The following ALDH9A1 variants were observed in gnomAD, a reference collection of about 807,000 sequenced individuals.
ALDH9A1 encodes aldehyde dehydrogenase 9 family member A1.
In ALDH9A1, 42 loss-of-function variants were observed where a neutral mutation model predicts 56.6. That is an observed-to-expected ratio of 0.74 (90% CI 0.58 to 0.96). The LOEUF (loss-of-function observed/expected upper bound fraction) is 0.96. Ranked by LOEUF, ALDH9A1 falls within the 40% of genes least tolerant of loss-of-function variation. ALDH9A1 has a pLI of 0.00. For missense variants in ALDH9A1, 661 were observed against 651.5 expected (o/e 1.01, Z -0.16); for synonymous variants, 242 against 236.0 (o/e 1.03, Z -0.23).
intron 6 of ALDH9A1, among the ~76,000 whole-genome samples, chr1:165,673,658 C>A (rs1413358131): frequency 6.6e-6 from 1 of 152,188 alleles, no homozygotes; most frequent in Non-Finnish European, 1.5e-5. Context: ...CACCCTGACG[C>A]TTTCTGACTG....
intron 1 of ALDH9A1, among the ~76,000 whole-genome samples, chr1:165,696,176 G>A (rs780391298): frequency 6.6e-5 from 10 of 152,018 alleles, no homozygotes; most frequent in African/African-American, 9.6e-5. Context: ...TGTATTTTGC[G>A]GTCATTGACA....
At chr1:165,687,352 C>T (rs1649744215) in intron 2 of ALDH9A1, among the ~76,000 whole-genome samples, 1 of 149,810 alleles carries the variant, frequency 6.7e-6, no homozygotes. Context: ...AACAAATTTA[C>T]AGATCCAAGA....
chr1:165,666,413 C>T (rs1649008735), intron 9 of ALDH9A1, among the ~76,000 whole-genome samples: 1 of 152,104 alleles, frequency 6.6e-6, no homozygotes, highest in Admixed American at 6.6e-5. Flanking sequence ...TGTGCATTAT[C>T]CCAGTAAAGC....
Position 165,680,686 on chromosome 1 carries a change from GCATAAACC to G in ALDH9A1, c.593-11_593-4del, listed in dbSNP as rs746433891. On this transcript the variant is annotated splice_region_variant and splice_polypyrimidine_tract_variant and intron_variant, in intron 4 of 10. Coordinates refer to ENST00000354775, the MANE Select transcript of ALDH9A1 (RefSeq NM_000696.4). ...AGGTTTAAAGACCATGGCATTACCTGCATAAACCCAAGACACAAACATAAAAAGACTTT... is the reference window on the plus strand; with the variant it reads ...AGGTTTAAAGACCATGGCATTACCTGCAAGACACAAACATAAAAAGACTTT... The G allele has an allele frequency of 2.5e-6, 4 of 1,597,550 alleles. No individual in the cohort carries two copies. The Admixed American group carries it at 7.2e-5, about 29-fold the overall frequency.
chr1:165,691,308 G>A (rs1414110109), intron 2 of ALDH9A1, among the ~76,000 whole-genome samples: 1 of 152,202 alleles, frequency 6.6e-6, no homozygotes, highest in Non-Finnish European at 1.5e-5. Flanking sequence ...CTGACTATTA[G>A]AAGGAAAACT....
rs553184453 is a variant in ALDH9A1 at position 165,679,143 on chromosome 1, T to C, written c.930+299A>G. Among the ~76,000 whole-genome samples, 6 of 152,338 alleles carry C rather than the reference T, an allele frequency of 3.9e-5. No individual in the cohort carries two copies. The East Asian group carries it at 1.2e-3, about 29-fold the overall frequency. ...ACCGTGCTTATGTAAAAGAATGCACTTGTTTTTAGGAACTTTATATTTAGA... is the reference window on the plus strand; with the variant it reads ...ACCGTGCTTATGTAAAAGAATGCACCTGTTTTTAGGAACTTTATATTTAGA... On this transcript the variant is annotated intron_variant, in intron 6 of 10. Coordinates refer to ENST00000354775, the MANE Select transcript of ALDH9A1 (RefSeq NM_000696.4).
chr1:165,665,080 C>CA lies in ALDH9A1; in HGVS notation c.1399dup (p.Cys467LeufsTer4). The CA allele has an allele frequency of 1.2e-6, 2 of 1,613,904 alleles. No individual in the cohort carries two copies. The highest frequency in any genetic ancestry group is 1.7e-6 in the Non-Finnish European group (2 of 1,179,914). ...GCTGACGTTATAGTTGTTAATGAAG[C>CA]ACGTCCCAGCCTGAAGCTCAGCTAC... is the stretch of plus-strand genomic sequence containing the variant. On this transcript the variant is annotated frameshift_variant, in exon 10 of 11. Coordinates refer to ENST00000354775, the MANE Select transcript of ALDH9A1 (RefSeq NM_000696.4). LOFTEE classifies it high-confidence loss of function.
At chr1:165,664,442 C>A (rs370661412) in intron 10 of ALDH9A1, among the ~76,000 whole-genome samples, 1 of 152,176 alleles carries the variant, frequency 6.6e-6, no homozygotes, top group African/African-American at 2.4e-5. Flanking sequence ...GTTGTGGTAA[C>A]ATATGTCTGA....
intron 6 of ALDH9A1, among the ~76,000 whole-genome samples, chr1:165,669,805 A>C (rs889425325): frequency 1.3e-5 from 2 of 152,194 alleles, no homozygotes; most frequent in Admixed American, 6.6e-5. Context: ...AGGGAACTTA[A>C]CAGTAAACCT....
chr1:165,682,011 T>C (rs933562325), intron 4 of ALDH9A1, 96 bp downstream of exon 4: 1 of 1,489,776 alleles, frequency 6.7e-7, no homozygotes, highest in South Asian at 1.3e-5. Flanking sequence ...CGATTTAAAG[T>C]GTGTGTTTAT....
chr1:165,693,660 T>C (rs1649966118), intron 2 of ALDH9A1, among the ~76,000 whole-genome samples: 2 of 152,210 alleles, frequency 1.3e-5, no homozygotes, highest in Non-Finnish European at 2.9e-5. Flanking sequence ...AGTGTGGCGA[T>C]TCCTCAAATA....
chr1:165,697,881 T>C (rs1229759706), intron 1 of ALDH9A1, among the ~76,000 whole-genome samples: 1 of 151,770 alleles, frequency 6.6e-6, no homozygotes, highest in East Asian at 1.9e-4. Context: ...ATACAAAAAT[T>C]AGCCGGACAT....
rs534855644 is a variant in ALDH9A1 at position 165,688,304 on chromosome 1, G to A, written c.328-5194C>T. On this transcript the variant is annotated intron_variant, in intron 2 of 10. Transcript: ENST00000354775. ...TGTGCTTCAGCTGGGGAGACAGAGC[G>A]AGACCTTGTCTCAAAAAACAAAACA... Among the ~76,000 whole-genome samples the A allele has an allele frequency of 5.3e-5, 8 of 152,190 alleles. No individual in the cohort carries two copies. The South Asian group carries it at 1.2e-3, about 24-fold the overall frequency.
intron 9 of ALDH9A1, 174 bp from the exon 10 acceptor site, chr1:165,665,304 A>G: frequency 1.7e-6 from 1 of 588,240 alleles, no homozygotes; most frequent in Non-Finnish European, 3.0e-6. Context: ...TGGGTTTTAT[A>G]GTCCCATGCA....
intron 6 of ALDH9A1, among the ~76,000 whole-genome samples, chr1:165,673,866 G>A (rs1323792246): frequency 6.6e-6 from 1 of 152,080 alleles, no homozygotes; most frequent in Non-Finnish European, 1.5e-5. Context: ...AGTAGGGGCT[G>A]GGTAAAATAA....
At chr1:165,689,771 T>C (rs1649826695) in intron 2 of ALDH9A1, among the ~76,000 whole-genome samples, 1 of 151,792 alleles carries the variant, frequency 6.6e-6, no homozygotes, top group Non-Finnish European at 1.5e-5. Flanking sequence ...CTGTCTCTAC[T>C]AAAAATACAA....
chr1:165,688,019 AAATT>A (rs55770593), intron 2 of ALDH9A1, among the ~76,000 whole-genome samples: 104,116 of 150,644 alleles, frequency 0.69, 36,270 homozygotes, highest in East Asian at 0.98. Flanking sequence ...AAAAGAAAAG[AAATT>A]AATTAATTCT....
rs978643318 is a variant in ALDH9A1 at position 165,689,856 on chromosome 1, C to G, written c.327+5396G>C. 7.3e-5 allele frequency among the ~76,000 whole-genome samples: 11 copies of G among 151,670 alleles called. No homozygotes were observed. In the East Asian group the frequency reaches 1.8e-3, roughly 24 times the overall value. The stretch of plus-strand genomic sequence containing the variant: ...GTCTGAGGCAGGAGAATCGCTTGAA[C>G]CCAGGAGGCGGAGGTTGCAGTGAGC... On this transcript the variant is annotated intron_variant, in intron 2 of 10. Coordinates refer to ENST00000354775, the MANE Select transcript of ALDH9A1 (RefSeq NM_000696.4).
chr1:165,697,518 G>T (rs1307486656), intron 1 of ALDH9A1, among the ~76,000 whole-genome samples: 2 of 152,126 alleles, frequency 1.3e-5, no homozygotes, highest in Non-Finnish European at 2.9e-5. Context: ...TAAAGGTGGG[G>T]TTTTTTCCTT....
Sources: gnomAD v4.1 joint callset for allele counts (sites outside exome capture counted in the v4.1 genomes callset) on GRCh38, gnomAD v4.1.1 for gene constraint, MANE v1.5 for transcripts, NCBI Gene and HGNC (gene_info 2026-07-23, HGNC 2026-07-21) for gene names.